The following DGKB variants were observed in gnomAD, a reference collection of about 807,000 sequenced individuals.
The protein encoded by DGKB is diacylglycerol kinase beta, also known as 90 kDa diacylglycerol kinase.
Under a neutral mutation model 114.3 loss-of-function variants are expected in DGKB, and 67 were observed. The observed-to-expected ratio is 0.59, with a 90% confidence interval of 0.48 to 0.72. The LOEUF (loss-of-function observed/expected upper bound fraction) is 0.72, where lower values mean the gene tolerates loss of function less well. Among genes scored for constraint, DGKB ranks in the 30% least tolerant of loss-of-function variants. The probability of loss-of-function intolerance (pLI) is 0.00; values close to 1 mark genes in which losing one functional copy is unlikely to be tolerated. For missense variants in DGKB, 907 were observed against 975.2 expected, an observed-to-expected ratio of 0.93 and a Z score of 0.93; for synonymous variants, 398 against 323.1, an observed-to-expected ratio of 1.23 and a Z score of -2.49.
intron 23 of DGKB, among the ~76,000 whole-genome samples, chr7:14,207,489 T>A (rs987650867): frequency 6.6e-6 from 1 of 151,962 alleles, no homozygotes; most frequent in African/African-American, 2.4e-5. Context: ...TGGTGAGGTG[T>A]TGGACTCATG....
At chr7:14,612,092 T>C (rs960560602) in intron 16 of DGKB, among the ~76,000 whole-genome samples, 2 of 151,730 alleles carry the variant, frequency 1.3e-5, no homozygotes, top group Admixed American at 1.3e-4. Context: ...TAAAATAATT[T>C]CTATCATGTT....
chr7:14,198,049 C>G (rs1033967454), intron 23 of DGKB, among the ~76,000 whole-genome samples: 1 of 151,912 alleles, frequency 6.6e-6, no homozygotes, highest in Non-Finnish European at 1.5e-5. Context: ...TCAGAGTTGA[C>G]CTTCACATCT....
rs1367361645 is a variant in DGKB at position 14,241,220 on chromosome 7, C to CA, written c.2123-63070dup. Among the ~76,000 whole-genome samples the CA allele has an allele frequency of 2.0e-5, 3 of 151,980 alleles. No individual in the cohort carries two copies. In the East Asian group the frequency reaches 5.8e-4, roughly 29 times the overall value. On this transcript the variant is annotated intron_variant, in intron 23 of 25. Transcript: ENST00000402815. ...ATTATAATATATACTGTATATAAGA[C>CA]AAAATCACAATAGAAAAAACAACCA...
intron 1 of DGKB, among the ~76,000 whole-genome samples, chr7:14,927,615 T>C (rs989531515): frequency 8.8e-6 from 1 of 113,794 alleles, no homozygotes; most frequent in Non-Finnish European, 2.2e-5. Context: ...TTGAATTATA[T>C]ATACTTTTAA....
rs191202074 is a variant in DGKB, at chr7:14,852,404, T to C, written c.-187-10954A>G. On this transcript the variant is annotated intron_variant, in intron 1 of 25. Coordinates refer to ENST00000402815, the MANE Select transcript of DGKB (RefSeq NM_001350709.2). Reference sequence around the variant, plus strand: ...CTGAAGTGAATAATAAGGAAGGGCTTTGGTAGTTGAATATAAATATTTAAT... The same window carrying C: ...CTGAAGTGAATAATAAGGAAGGGCTCTGGTAGTTGAATATAAATATTTAAT... Among the ~76,000 whole-genome samples, 16 of 147,948 alleles carry C rather than the reference T, an allele frequency of 1.1e-4. No individual in the cohort carries two copies. The East Asian group carries it at 3.3e-3, about 31-fold the overall frequency.
At chr7:14,787,453 T>G (rs764506239) in intron 2 of DGKB, among the ~76,000 whole-genome samples, 2 of 152,126 alleles carry the variant, frequency 1.3e-5, no homozygotes, top group Non-Finnish European at 2.9e-5. Flanking sequence ...AGCTGAGACT[T>G]CAAAGCAATA....
intron 21 of DGKB, among the ~76,000 whole-genome samples, chr7:14,377,566 CT>C (rs1818696759): frequency 1.3e-5 from 2 of 152,112 alleles, no homozygotes; most frequent in South Asian, 4.1e-4. Context: ...TATGAAAACA[CT>C]TGATAAGTGA....
chr7:14,238,496 T>G (rs199926478), intron 23 of DGKB, among the ~76,000 whole-genome samples: 1 of 18,122 alleles, frequency 5.5e-5, no homozygotes, highest in Admixed American at 5.2e-4. Context: ...ATACTTTTGA[T>G]TTTTTTACTT....
chr7:14,560,160 C>G (rs1796445572), intron 20 of DGKB, among the ~76,000 whole-genome samples: 1 of 151,798 alleles, frequency 6.6e-6, no homozygotes, highest in African/African-American at 2.4e-5. Context: ...TCCTCTTTTT[C>G]TTTTTTACTT....
rs576083517 is a variant in DGKB, at chr7:14,376,417, T to A, written c.1836-31026A>T. Among the ~76,000 whole-genome samples the A allele has an allele frequency of 2.0e-5, 3 of 152,322 alleles. No individual in the cohort carries two copies. The East Asian group carries it at 5.8e-4, about 29-fold the overall frequency. Reference sequence around the variant, plus strand: ...TTGTCTCAGAAATTATAGAAACAGATGTATACTCTCATCACAAAAATAACC... The same window carrying A: ...TTGTCTCAGAAATTATAGAAACAGAAGTATACTCTCATCACAAAAATAACC... On this transcript the variant is annotated intron_variant, in intron 21 of 25. Coordinates refer to ENST00000402815, the MANE Select transcript of DGKB (RefSeq NM_001350709.2).
At chr7:14,570,206 T>C (rs1798168877) in intron 20 of DGKB, among the ~76,000 whole-genome samples, 1 of 152,012 alleles carries the variant, frequency 6.6e-6, no homozygotes, top group Admixed American at 6.6e-5. Context: ...GCAAAGTCAA[T>C]TTTTCAATAG....
At chr7:14,486,819 T>C (rs1384132272) in intron 20 of DGKB, among the ~76,000 whole-genome samples, 2 of 152,198 alleles carry the variant, frequency 1.3e-5, no homozygotes, top group Non-Finnish European at 2.9e-5. Context: ...TATGGTAAAG[T>C]ATTGACAATT....
intron 1 of DGKB, among the ~76,000 whole-genome samples, chr7:14,862,223 G>A (rs541378390): frequency 1.3e-5 from 2 of 152,098 alleles, no homozygotes; most frequent in South Asian, 4.2e-4. Context: ...CATACACATA[G>A]TGAAATGATG....
intron 21 of DGKB, among the ~76,000 whole-genome samples, chr7:14,449,303 G>A (rs1012259835): frequency 2.6e-5 from 4 of 151,970 alleles, no homozygotes; most frequent in Non-Finnish European, 5.9e-5. Context: ...TCTGTTTTAC[G>A]TGGTGTTAAC....
chr7:14,845,298 G>C (rs1848497912), intron 1 of DGKB, among the ~76,000 whole-genome samples: 1 of 152,056 alleles, frequency 6.6e-6, no homozygotes, highest in Non-Finnish European at 1.5e-5. Flanking sequence ...CACTCATACA[G>C]ACCATCCCTT....
At chr7:14,459,636 A>G (rs1419182285) in intron 21 of DGKB, among the ~76,000 whole-genome samples, 6 of 152,162 alleles carry the variant, frequency 3.9e-5, no homozygotes, top group African/African-American at 1.4e-4. Context: ...AATGGTGTAC[A>G]TGAAAGTGAC....
At chr7:14,802,916 A>C (rs1245658967) in intron 2 of DGKB, among the ~76,000 whole-genome samples, 1 of 152,088 alleles carries the variant, frequency 6.6e-6, no homozygotes, top group Non-Finnish European at 1.5e-5. Context: ...TGGTTATAAA[A>C]GTTTTCAAAA....
At chr7:14,605,714 G>A (rs926339806) in intron 17 of DGKB, among the ~76,000 whole-genome samples, 5 of 151,874 alleles carry the variant, frequency 3.3e-5, no homozygotes, top group African/African-American at 1.2e-4. Flanking sequence ...TGAGAGAACA[G>A]GGCTAAAATC....
intron 13 of DGKB, among the ~76,000 whole-genome samples, chr7:14,651,309 T>G (rs1048454789): frequency 7.2e-5 from 11 of 152,000 alleles, no homozygotes; most frequent in African/African-American, 2.7e-4. Flanking sequence ...CATGATCAAG[T>G]GGGCTTCATC....
Sources: allele counts gnomAD v4.1 joint callset (sites outside exome capture counted in the v4.1 genomes callset), GRCh38; gene constraint gnomAD v4.1.1; transcripts MANE v1.5; gene names NCBI Gene and HGNC (gene_info 2026-07-23, HGNC 2026-07-21).